SAMD12: variants seen among roughly 807,000 people sequenced by gnomAD.
The protein encoded by SAMD12 is sterile alpha motif domain containing 12, also known as sterile alpha motif domain-containing protein 12.
In SAMD12, 9 loss-of-function variants were observed where a neutral mutation model predicts 15.0. That is an observed-to-expected ratio of 0.60 (90% CI 0.36 to 1.05). The LOEUF (loss-of-function observed/expected upper bound fraction) is 1.05. SAMD12 is among the 50% of genes least tolerant of loss of function. The probability of loss-of-function intolerance (pLI) is 0.01; values close to 1 mark genes in which losing one functional copy is unlikely to be tolerated. For synonymous variants in SAMD12, 86 were observed against 90.1 expected (o/e 0.96, Z 0.25); for missense variants, 230 against 234.2 (o/e 0.98, Z 0.12).
At chr8:118,417,007 G>T (rs1821730252) in intron 3 of SAMD12, among the ~76,000 whole-genome samples, 1 of 152,072 alleles carries the variant, frequency 6.6e-6, no homozygotes. Flanking sequence ...GGAGCTAAGT[G>T]AAACTAGGTT....
intron 2 of SAMD12, among the ~76,000 whole-genome samples, chr8:118,570,788 C>T (rs1826989741): frequency 1.3e-5 from 2 of 152,132 alleles, no homozygotes; most frequent in African/African-American, 2.4e-5. Flanking sequence ...TGAATTCCCA[C>T]ATATTGTGGG....
chr8:118,182,783 C>T, the SAMD12 span, among the ~76,000 whole-genome samples: 5 of 152,096 alleles, frequency 3.3e-5, no homozygotes, highest in East Asian at 9.7e-4. Context: ...AGCGACAGCA[C>T]AAAAAGACAT....
At chr8:118,370,206 G>T (rs1476376188) in intron 4 of SAMD12, among the ~76,000 whole-genome samples, 1 of 152,142 alleles carries the variant, frequency 6.6e-6, no homozygotes, top group Non-Finnish European at 1.5e-5. Context: ...CTGATCATTA[G>T]AGAAATGCAA....
At chr8:118,205,420 G>A (rs1226684921) in intron 4 of SAMD12, among the ~76,000 whole-genome samples, 1 of 152,224 alleles carries the variant, frequency 6.6e-6, no homozygotes, top group Non-Finnish European at 1.5e-5. Context: ...AAGAACCTGT[G>A]TTCACTTTGC....
chr8:118,282,850 A>ATG (rs1012031215), intron 4 of SAMD12, among the ~76,000 whole-genome samples: 4 of 151,830 alleles, frequency 2.6e-5, no homozygotes, highest in Admixed American at 6.6e-5. Flanking sequence ...ATGTATAGAT[A>ATG]TGTGTGTGTG....
chr8:118,500,067 C>CTATT (rs1554675240), intron 2 of SAMD12, among the ~76,000 whole-genome samples: 1 of 72,572 alleles, frequency 1.4e-5, no homozygotes, highest in East Asian at 5.0e-4. Flanking sequence ...TGAGTTTTGC[C>CTATT]TTTTTTTTTT....
At chr8:118,369,686 G>A (rs62532690) in intron 4 of SAMD12, among the ~76,000 whole-genome samples, 34,053 of 151,622 alleles carry the variant, frequency 0.22, 3,989 homozygotes, top group South Asian at 0.27. Context: ...TTATACTCCC[G>A]CCCGGGCAAC....
At chr8:118,494,862 C>A (rs1253986858) in intron 2 of SAMD12, among the ~76,000 whole-genome samples, 1 of 152,182 alleles carries the variant, frequency 6.6e-6, no homozygotes, top group Non-Finnish European at 1.5e-5. Flanking sequence ...TAATAAAAAT[C>A]TGATGAATGA....
rs1332643495 is a variant in SAMD12, at chr8:118,580,765, C to T, written c.142G>A (p.Asp48Asn). The change falls in exon 2 of 4, where the codon GAC (aspartate) becomes AAC (asparagine). Residue 48 changes from aspartate to asparagine, a missense_variant. Physicochemically the swap from Asp to Asn is conservative, Grantham distance 23. Transcript: ENST00000314727. ...AGTCGCTTGGGAGTTCCTTTCTGGT[C>T]AGGCACCTTCTGGAAATTTTTATTT... The part of the protein sequence containing the change: ...IKNKNFQKVP[D>N]QKGTPKRLQA... 12 of 1,613,252 alleles carry T rather than the reference C, an allele frequency of 7.4e-6. No individual in the cohort carries two copies. Among genetic ancestry groups the T allele is most frequent in the Non-Finnish European group, 1.0e-5 (12 of 1,179,448 alleles).
intron 4 of SAMD12, among the ~76,000 whole-genome samples, chr8:118,351,059 C>T (rs1817940501): frequency 6.6e-6 from 1 of 152,222 alleles, no homozygotes; most frequent in African/African-American, 2.4e-5. Flanking sequence ...CCACGTGGGA[C>T]ATGAGTCTCC....
intron 2 of SAMD12, among the ~76,000 whole-genome samples, chr8:118,454,033 A>C (rs1823163350): frequency 6.6e-6 from 1 of 152,110 alleles, no homozygotes; most frequent in Non-Finnish European, 1.5e-5. Context: ...CCCTGGATAG[A>C]TGGATGGATG....
intron 4 of SAMD12, among the ~76,000 whole-genome samples, chr8:118,348,463 C>T (rs1488433838): frequency 3.9e-5 from 6 of 152,012 alleles, no homozygotes; most frequent in South Asian, 2.1e-4. Flanking sequence ...CTCCGCCCCC[C>T]GGGGTTCGTG....
At chr8:118,225,311 G>T (rs920403473) in intron 4 of SAMD12, among the ~76,000 whole-genome samples, 3 of 152,022 alleles carry the variant, frequency 2.0e-5, no homozygotes, top group Non-Finnish European at 4.4e-5. Context: ...GTGTAAAAAA[G>T]CTTACAAACC....
intron 4 of SAMD12, among the ~76,000 whole-genome samples, chr8:118,361,381 T>C (rs1268532667): frequency 6.6e-6 from 1 of 152,184 alleles, no homozygotes; most frequent in Non-Finnish European, 1.5e-5. Flanking sequence ...ATCGGACACA[T>C]AGTAGGTAAC....
intron 4 of SAMD12, among the ~76,000 whole-genome samples, chr8:118,323,433 T>G (rs1420948032): frequency 6.6e-6 from 1 of 152,060 alleles, no homozygotes; most frequent in African/African-American, 2.4e-5. Context: ...GTTGAATGAA[T>G]GCATGGATAT....
At chr8:118,399,130 T>C (rs1296918887) in intron 3 of SAMD12, among the ~76,000 whole-genome samples, 1 of 152,034 alleles carries the variant, frequency 6.6e-6, no homozygotes, top group Non-Finnish European at 1.5e-5. Context: ...GCAATCCTCC[T>C]GCTTCCACCT....
chr8:118,216,965 T>C (rs1043556306), intron 4 of SAMD12, among the ~76,000 whole-genome samples: 18 of 152,212 alleles, frequency 1.2e-4, no homozygotes, highest in Admixed American at 9.8e-4. Context: ...GTTTTTCCTC[T>C]CCGCATTCAT....
At chr8:118,360,790 C>T (rs561417961) in intron 4 of SAMD12, among the ~76,000 whole-genome samples, 1 of 152,178 alleles carries the variant, frequency 6.6e-6, no homozygotes, top group Non-Finnish European at 1.5e-5. Flanking sequence ...GTAAGAATTT[C>T]TTTAATTGCA....
At chr8:118,279,048 G>GTATAATTAATTAAAT (rs1813541387) in intron 4 of SAMD12, among the ~76,000 whole-genome samples, 6 of 152,060 alleles carry the variant, frequency 3.9e-5, no homozygotes, top group Admixed American at 3.9e-4. Flanking sequence ...TATATAATCT[G>GTATAATTAATTAAAT]GGCATTCAGG....
Sources: allele counts gnomAD v4.1 joint callset (sites outside exome capture counted in the v4.1 genomes callset), GRCh38; gene constraint gnomAD v4.1.1; transcripts MANE v1.5; gene names NCBI Gene and HGNC (gene_info 2026-07-23, HGNC 2026-07-21).